The following COL4A1 variants were observed in gnomAD, a reference collection of about 807,000 sequenced individuals.
The protein encoded by COL4A1 is collagen alpha-1(IV) chain.
A neutral mutation model predicts 216.6 loss-of-function variants in COL4A1; 40 were observed. The observed-to-expected ratio is 0.18, with a 90% CI of 0.14 to 0.24. The LOEUF is 0.24. Among genes scored for constraint, COL4A1 ranks in the 10% least tolerant of loss-of-function variants. The pLI is 1.00. For missense variants in COL4A1, 1,628 were observed against 2,196.8 expected (o/e 0.74, Z 5.18); for synonymous variants, 839 against 810.7 (o/e 1.03, Z -0.59).
intron 49 of COL4A1, among the ~76,000 whole-genome samples, chr13:110,156,042 A>C (rs615250): frequency 0.88 from 133,417 of 152,276 alleles, 58,487 homozygotes; most frequent in East Asian, 0.95. Flanking sequence ...CCACTGCTCT[A>C]CGGCCTGGGC....
intron 17 of COL4A1, 95 bp from the exon 18 acceptor site, chr13:110,203,702 T>C: frequency 7.7e-7 from 1 of 1,304,976 alleles, no homozygotes; most frequent in Non-Finnish European, 1.1e-6. Flanking sequence ...AAATAGAGTG[T>C]GCCTACAGTA....
At chr13:110,249,064 A>AACTT (rs1206549386) in intron 1 of COL4A1, among the ~76,000 whole-genome samples, 1 of 152,068 alleles carries the variant, frequency 6.6e-6, no homozygotes, top group Non-Finnish European at 1.5e-5. Flanking sequence ...GAATGCCCTA[A>AACTT]AAAAGAATCT....
In COL4A1 at chr13:110,268,457, A is replaced by G. The variant is rs1883124857; in HGVS notation, c.85-25723T>C. 1.3e-5 allele frequency among the ~76,000 whole-genome samples: 2 copies of G among 152,212 alleles called. No individual in the cohort carries two copies. The highest frequency in any genetic ancestry group is 1.3e-4 in the Admixed American group (2 of 15,286). On this transcript the variant is annotated intron_variant, in intron 1 of 51. Coordinates refer to ENST00000375820, the MANE Select transcript of COL4A1 (RefSeq NM_001845.6). The surrounding 1 kb of genome is among the most constrained non-coding windows in gnomAD (Gnocchi z 4.1). ...GAAGGCAACCATCCTCGCCAGTCCAAGTGAGCTTTTAACAAAAATGTGTCG... is the reference window on the plus strand; with the variant it reads ...GAAGGCAACCATCCTCGCCAGTCCAGGTGAGCTTTTAACAAAAATGTGTCG...
At chr13:110,166,537 A>G (rs1877346325) in intron 44 of COL4A1, among the ~76,000 whole-genome samples, 1 of 152,248 alleles carries the variant, frequency 6.6e-6, no homozygotes, top group African/African-American at 2.4e-5. Context: ...ATATACACAT[A>G]TATGCACACA....
At chr13:110,301,632 G>A (rs1021694648) in intron 1 of COL4A1, among the ~76,000 whole-genome samples, 2 of 152,210 alleles carry the variant, frequency 1.3e-5, no homozygotes, top group Admixed American at 6.5e-5. Flanking sequence ...TCTGACTCGA[G>A]AGGGGATCAC....
intron 2 of COL4A1, among the ~76,000 whole-genome samples, chr13:110,227,207 C>T (rs672949): frequency 0.31 from 47,250 of 151,862 alleles, 7,604 homozygotes; most frequent in Non-Finnish European, 0.34. Flanking sequence ...TTGAGATCTT[C>T]GGCTAGAAAC....
At chr13:110,285,803 C>T (rs959240916) in intron 1 of COL4A1, among the ~76,000 whole-genome samples, 4 of 152,182 alleles carry the variant, frequency 2.6e-5, no homozygotes, top group African/African-American at 9.6e-5. Context: ...AGCTTGTAGA[C>T]AGCACACTGT....
At chr13:110,179,202 G>C in intron 30 of COL4A1, 69 bp downstream of exon 30, 1 of 1,594,480 alleles carries the variant, frequency 6.3e-7, no homozygotes, top group Non-Finnish European at 8.6e-7. Flanking sequence ...ACTCGGTAGG[G>C]GCTCTGGGAA....
intron 2 of COL4A1, among the ~76,000 whole-genome samples, chr13:110,230,901 C>T (rs1881024974): frequency 1.3e-5 from 2 of 152,208 alleles, no homozygotes; most frequent in South Asian, 4.1e-4. Context: ...GGACAGGGCA[C>T]ACCCGTTTAC....
intron 22 of COL4A1, 22 bp downstream of exon 22, chr13:110,195,001 T>TA: frequency 1.9e-6 from 3 of 1,607,644 alleles, no homozygotes; most frequent in South Asian, 1.1e-5. Context: ...ACCACCATTT[T>TA]AAAAAAATCA....
intron 2 of COL4A1, among the ~76,000 whole-genome samples, chr13:110,215,598 A>G (rs1880035030): frequency 6.6e-6 from 1 of 151,990 alleles, no homozygotes; most frequent in Non-Finnish European, 1.5e-5. Flanking sequence ...AACCATTGTA[A>G]GAAATCAAGA....
chr13:110,305,112 G>T (rs1884631745), intron 1 of COL4A1, among the ~76,000 whole-genome samples: 1 of 152,152 alleles, frequency 6.6e-6, no homozygotes, highest in Non-Finnish European at 1.5e-5. Flanking sequence ...TACATCATCT[G>T]CACATTAAGC....
At chr13:110,175,172 C>T (rs910432221) in intron 37 of COL4A1, 46 bp downstream of exon 37, 1 of 1,611,590 alleles carries the variant, frequency 6.2e-7, no homozygotes, top group African/African-American at 1.3e-5. Flanking sequence ...GCAGCATCTC[C>T]ACTGAGCTGG....
intron 49 of COL4A1, among the ~76,000 whole-genome samples, chr13:110,155,912 CAAA>C (rs940438947): frequency 6.7e-6 from 1 of 148,776 alleles, no homozygotes; most frequent in Non-Finnish European, 1.5e-5. Context: ...AACTCCGTCT[CAAA>C]AAAAAAATTA....
chr13:110,301,738 G>A (rs949868639), intron 1 of COL4A1, among the ~76,000 whole-genome samples: 1 of 152,148 alleles, frequency 6.6e-6, no homozygotes, highest in Non-Finnish European at 1.5e-5. Context: ...CGGGGAGCAG[G>A]AGAAGATGAA....
In COL4A1 at chr13:110,150,574, C is replaced by T. The variant is rs535370479; in HGVS notation, c.4929-130G>A. On this transcript the variant is annotated intron_variant, in intron 51 of 51. Transcript: ENST00000375820. ...CTGGCATCAGGCCTCAACCTGGTAC[C>T]ACCCAGTGAGCAGGCAGGTGCTGGG... is the stretch of plus-strand genomic sequence containing the variant. 4 of 876,570 alleles carry T rather than the reference C, an allele frequency of 4.6e-6. No homozygotes were observed. In the African/African-American group the frequency reaches 6.6e-5, roughly 14 times the overall value. The allele number at this position is 876,570 out of a possible 1,614,324, so 54.3% of individuals were successfully genotyped here. A position where few individuals can be genotyped will look rare whatever the true frequency, so the allele number is the denominator to read the frequency against.
At position 110,188,191 on chromosome 13, in the gene COL4A1, G is replaced by A. The variant is rs632143; in HGVS notation, c.1537-862C>T. On this transcript the variant is annotated intron_variant, in intron 24 of 51. Coordinates refer to ENST00000375820, the MANE Select transcript of COL4A1 (RefSeq NM_001845.6). ...GACTTGTTCACTTAGGCCTGAGAAA[G>A]GCATCTTCAGACTCCCTGTCGACTT... Among the ~76,000 whole-genome samples, 1,514 of 152,340 alleles carry A rather than the reference G, an allele frequency of 9.9e-3. 21 individuals are homozygous for A. The highest frequency in any genetic ancestry group is 0.034 in the African/African-American group (1,414 of 41,572).
chr13:110,187,024 T>C, intron 25 of COL4A1, 114 bp downstream of exon 25: 1 of 1,346,776 alleles, frequency 7.4e-7, no homozygotes, highest in Non-Finnish European at 1.1e-6. Flanking sequence ...CAAGTTCATT[T>C]GTGCCATCAT....
chr13:110,263,442 ATTATTC>A (rs1366415924), intron 1 of COL4A1, among the ~76,000 whole-genome samples: 1 of 152,142 alleles, frequency 6.6e-6, no homozygotes, highest in Non-Finnish European at 1.5e-5. Context: ...CAAGCTGCGT[ATTATTC>A]TTATTATTAT....
Sources: gnomAD v4.1 joint callset for allele counts (sites outside exome capture counted in the v4.1 genomes callset) on GRCh38, gnomAD v4.1.1 for gene constraint, Gnocchi (gnomAD v3.1) non-coding constraint, MANE v1.5 for transcripts, NCBI Gene and HGNC (gene_info 2026-07-23, HGNC 2026-07-21) for gene names.